Variants in TMOD1 observed in about 807,000 individuals in gnomAD.
The protein encoded by TMOD1 is tropomodulin-1.
Under a neutral mutation model 40.6 loss-of-function variants are expected in TMOD1, and 17 were observed. That is an observed-to-expected ratio of 0.42 (90% CI 0.29 to 0.63). The LOEUF (loss-of-function observed/expected upper bound fraction) is 0.63, where lower values mean the gene tolerates loss of function less well. TMOD1 is among the 20% of genes least tolerant of loss of function. The probability of loss-of-function intolerance (pLI) is 0.22; values close to 1 mark genes in which losing one functional copy is unlikely to be tolerated. For missense variants in TMOD1, 391 were observed against 447.6 expected, an observed-to-expected ratio of 0.87 and a Z score of 1.14; for synonymous variants, 181 against 175.0, an observed-to-expected ratio of 1.03 and a Z score of -0.27.
At chr9:97,541,807 C>T (rs375736571) in intron 2 of TMOD1, among the ~76,000 whole-genome samples, 13 of 152,256 alleles carry the variant, frequency 8.5e-5, no homozygotes, top group East Asian at 3.9e-4. Flanking sequence ...TGAGTCACCA[C>T]GCCTGGCCCA....
intron 6 of TMOD1, 149 bp from the exon 7 acceptor site, chr9:97,565,699 C>T (rs1332856038): frequency 9.6e-6 from 6 of 623,058 alleles, no homozygotes; most frequent in Admixed American, 7.9e-5. Flanking sequence ...AGATTTCAGT[C>T]GTCCGGGACA....
At chr9:97,542,873 A>G (rs974496012) in intron 2 of TMOD1, among the ~76,000 whole-genome samples, 3 of 151,636 alleles carry the variant, frequency 2.0e-5, no homozygotes, top group Non-Finnish European at 4.4e-5. Flanking sequence ...AAAAAGGAAG[A>G]AAATAAAAGA....
At position 97,546,263 on chromosome 9, in the gene TMOD1, C is replaced by T; in HGVS notation, c.199C>T (p.Leu67Phe). The change falls in exon 3 of 10, where the codon CTC (leucine) becomes TTC (phenylalanine). Residue 67 changes from leucine to phenylalanine, a missense_variant. Coordinates refer to ENST00000259365, the MANE Select transcript of TMOD1 (RefSeq NM_003275.4). ...CACGGGCCCCTTTAAAAGAGAGGAG[C>T]TCTTGGATCACTTGGAAAAGCAAGC... ...APTGPFKREE[L>F]LDHLEKQAKE... 2 of 1,614,118 alleles carry T rather than the reference C, an allele frequency of 1.2e-6. No homozygotes were observed. Among genetic ancestry groups the T allele is most frequent in the Admixed American group, 1.7e-5 (1 of 60,022 alleles).
intron 3 of TMOD1, among the ~76,000 whole-genome samples, chr9:97,552,850 G>T (rs918234577): frequency 2.0e-5 from 3 of 152,044 alleles, no homozygotes; most frequent in African/African-American, 7.2e-5. Context: ...TGATAATGAG[G>T]CAAGGATGCA....
chr9:97,595,225 T>G (rs979956296), intron 9 of TMOD1, among the ~76,000 whole-genome samples: 1 of 152,274 alleles, frequency 6.6e-6, no homozygotes, highest in African/African-American at 2.4e-5. Context: ...ATACTTTTTG[T>G]GGTGAGAACG....
At chr9:97,540,308 C>T (rs1341085909) in intron 2 of TMOD1, among the ~76,000 whole-genome samples, 1 of 152,218 alleles carries the variant, frequency 6.6e-6, no homozygotes, top group Admixed American at 6.5e-5. Context: ...GACTTTCTTG[C>T]TGGCTTACAG....
chr9:97,585,180 G>A (rs1424273090), intron 8 of TMOD1, among the ~76,000 whole-genome samples: 2 of 152,160 alleles, frequency 1.3e-5, no homozygotes, highest in African/African-American at 2.4e-5. Context: ...TCCTTCAGGA[G>A]CTCTTGTAAG....
chr9:97,581,505 T>C (rs1825755449), intron 8 of TMOD1, among the ~76,000 whole-genome samples: 1 of 152,104 alleles, frequency 6.6e-6, no homozygotes, highest in African/African-American at 2.4e-5. Context: ...TTTGGGTATA[T>C]ACCCAGTGAT....
intron 1 of TMOD1, among the ~76,000 whole-genome samples, chr9:97,520,460 C>T (rs1459621587): frequency 6.6e-6 from 1 of 152,170 alleles, no homozygotes; most frequent in Non-Finnish European, 1.5e-5. Flanking sequence ...GTCTTCCCTA[C>T]CTCCAGTTCT....
chr9:97,579,837 C>A (rs1003580850), intron 8 of TMOD1, among the ~76,000 whole-genome samples: 1 of 152,090 alleles, frequency 6.6e-6, no homozygotes, highest in African/African-American at 2.4e-5. Flanking sequence ...GGGGAGAGAT[C>A]ATTTCCTGGG....
At chr9:97,509,508 T>TG (rs1294070699) in intron 1 of TMOD1, among the ~76,000 whole-genome samples, 2 of 121,168 alleles carry the variant, frequency 1.7e-5, no homozygotes, top group Non-Finnish European at 3.7e-5. Context: ...AGGTTTTTTT[T>TG]TTTGTTTTTT....
chr9:97,575,478 A>G (rs1042707765), intron 8 of TMOD1, among the ~76,000 whole-genome samples: 2 of 152,244 alleles, frequency 1.3e-5, no homozygotes, highest in Non-Finnish European at 2.9e-5. Flanking sequence ...CTACCTCAGG[A>G]TGGAGCAGGT....
At chr9:97,501,649 C>T (rs1426458362), upstream of TMOD1, 3 of 148,442 alleles carry the variant, frequency 2.0e-5, no homozygotes, top group Admixed American at 1.3e-4. Flanking sequence ...AGCTCCCGCC[C>T]GCCCGCGGCC....
chr9:97,504,311 T>G (rs1455754715), intron 1 of TMOD1, among the ~76,000 whole-genome samples: 2 of 151,962 alleles, frequency 1.3e-5, no homozygotes, highest in Admixed American at 6.6e-5. Flanking sequence ...CTGAAGAAGT[T>G]CTCCACTTCT....
chr9:97,572,869 GTCTC>G (rs1042026821), intron 8 of TMOD1, among the ~76,000 whole-genome samples: 28 of 152,312 alleles, frequency 1.8e-4, no homozygotes, highest in Admixed American at 3.3e-4. Flanking sequence ...GACTCAAATA[GTCTC>G]TCTATCTCCA....
rs898836472 is a variant in TMOD1, at chr9:97,600,294, T to C, written c.*596T>C. ...CTGCCAGGAGTCAACATGAGATTCC[T>C]TTTGCTGGATATGCAGAAATGATAG... On this transcript the variant is annotated 3_prime_UTR_variant, in exon 10 of 10. Transcript: ENST00000259365. 5 of 986,118 alleles carry C rather than the reference T, an allele frequency of 5.1e-6. No homozygotes were observed. In the African/African-American group the frequency reaches 8.7e-5, roughly 17 times the overall value. The allele number at this position is 986,118 out of a possible 1,614,324, so 61.1% of individuals were successfully genotyped here. A position where few individuals can be genotyped will look rare whatever the true frequency, so the allele number is the denominator to read the frequency against.
At position 97,503,429 on chromosome 9, in the gene TMOD1, TAC is replaced by T. The variant is rs201198437; in HGVS notation, c.-49+1628_-49+1629del. 6.0e-3 allele frequency among the ~76,000 whole-genome samples: 910 copies of T among 152,286 alleles called. 14 individuals carry two copies. The highest frequency in any genetic ancestry group is 0.021 in the African/African-American group (876 of 41,554). ...TTTTTCTAAAGCCATCTCAAAGACT[TAC>T]AGAAAAAAGAATTAACGGGAAATGG... On this transcript the variant is annotated intron_variant, in intron 1 of 9. Transcript: ENST00000259365.
At chr9:97,541,483 C>T (rs2131241324) in intron 2 of TMOD1, among the ~76,000 whole-genome samples, 1 of 151,962 alleles carries the variant, frequency 6.6e-6, no homozygotes, top group South Asian at 2.1e-4. Context: ...GCCACTGTGC[C>T]CAGCCACTTG....
At chr9:97,550,992 T>TATATA (rs1830441669) in intron 3 of TMOD1, among the ~76,000 whole-genome samples, 6 of 96,368 alleles carry the variant, frequency 6.2e-5, no homozygotes, top group African/African-American at 2.9e-4. Flanking sequence ...TCTAAGAATT[T>TATATA]TATATATATA....
Sources: allele counts gnomAD v4.1 joint callset (sites outside exome capture counted in the v4.1 genomes callset), GRCh38; gene constraint gnomAD v4.1.1; transcripts MANE v1.5; gene names NCBI Gene and HGNC (gene_info 2026-07-23, HGNC 2026-07-21).